The following GPC5 variants were observed in gnomAD, a reference collection of about 807,000 sequenced individuals.
The protein encoded by GPC5 is glypican-5.
Under a neutral mutation model 53.9 loss-of-function variants are expected in GPC5, and 47 were observed. That is an observed-to-expected ratio of 0.87 (90% CI 0.69 to 1.11). GPC5 has a LOEUF of 1.11. GPC5 is among the 50% of genes most tolerant of loss of function. GPC5 has a pLI of 0.00. For missense variants in GPC5, 748 were observed against 713.1 expected, an observed-to-expected ratio of 1.05 and a Z score of -0.56; for synonymous variants, 286 against 263.3, an observed-to-expected ratio of 1.09 and a Z score of -0.84.
At chr13:91,947,199 A>AGGTAC (rs1490602847) in intron 6 of GPC5, among the ~76,000 whole-genome samples, 1 of 152,202 alleles carries the variant, frequency 6.6e-6, no homozygotes, top group Non-Finnish European at 1.5e-5. Context: ...TTACGTTTTC[A>AGGTAC]GGTACCCATT....
rs545989890 is a variant in GPC5, at chr13:91,747,043, A to T, written c.1155-9252A>T. Among the ~76,000 whole-genome samples, 518 of 152,324 alleles carry T rather than the reference A, an allele frequency of 3.4e-3. 1 individual carries two copies. Among genetic ancestry groups the T allele is most frequent in the Non-Finnish European group, 6.4e-3 (435 of 68,014 alleles). ...AGAATAAGATAAACACCAATCTGTT[A>T]TATTGGTTACTTCAGGTGGGAGGGA... On this transcript the variant is annotated intron_variant, in intron 4 of 7. Transcript: ENST00000377067.
intron 6 of GPC5, among the ~76,000 whole-genome samples, chr13:92,040,653 T>G (rs1405698065): frequency 6.6e-6 from 1 of 152,172 alleles, no homozygotes; most frequent in East Asian, 1.9e-4. Flanking sequence ...ATTTACTCCT[T>G]TAACCCACTG....
intron 6 of GPC5, among the ~76,000 whole-genome samples, chr13:92,021,062 T>C (rs896076336): frequency 1.3e-5 from 2 of 152,196 alleles, no homozygotes; most frequent in African/African-American, 4.8e-5. Flanking sequence ...TTCAACACCA[T>C]TTGTTGAAGA....
At chr13:91,506,642 C>T (rs933571160) in intron 2 of GPC5, among the ~76,000 whole-genome samples, 1 of 151,916 alleles carries the variant, frequency 6.6e-6, no homozygotes, top group Non-Finnish European at 1.5e-5. Context: ...TGAAAATACT[C>T]AAAATATCAG....
At chr13:92,094,483 T>C (rs933081877) in intron 6 of GPC5, among the ~76,000 whole-genome samples, 1 of 124,074 alleles carries the variant, frequency 8.1e-6, no homozygotes, top group African/African-American at 3.2e-5. Context: ...ATCGTACCAC[T>C]GCACTCCAGC....
chr13:92,543,976 T>C (rs1260802593), intron 7 of GPC5, among the ~76,000 whole-genome samples: 1 of 151,822 alleles, frequency 6.6e-6, no homozygotes, highest in Non-Finnish European at 1.5e-5. Context: ...GTTTTGCTTG[T>C]TGTTTTTTTT....
rs183258122 is a variant in GPC5, at chr13:91,588,676, T to C, written c.326-104511T>C. ...CATCTCTAAACAAGAGGGACCTCTT[T>C]TCCTTTGCAAAGTCAGTGCTAGACT... On this transcript the variant is annotated intron_variant, in intron 2 of 7. Transcript: ENST00000377067. 5.9e-5 allele frequency among the ~76,000 whole-genome samples: 9 copies of C among 152,292 alleles called. No individual in the cohort carries two copies. In the East Asian group the frequency reaches 1.7e-3, roughly 29 times the overall value.
intron 2 of GPC5, among the ~76,000 whole-genome samples, chr13:91,591,379 T>G (rs2032792909): frequency 6.6e-6 from 1 of 152,196 alleles, no homozygotes. Context: ...CTTTTTCTTT[T>G]GTGTTGACCT....
At chr13:92,859,890 C>G (rs1428503150) in intron 7 of GPC5, among the ~76,000 whole-genome samples, 1 of 151,884 alleles carries the variant, frequency 6.6e-6, no homozygotes, top group Non-Finnish European at 1.5e-5. Context: ...ACTGGGTGAC[C>G]ATTATTGGAT....
In GPC5 at chr13:92,866,459, C is replaced by A; in HGVS notation, c.*20C>A. 1 of 1,560,650 alleles carries A rather than the reference C, an allele frequency of 6.4e-7. No homozygotes were observed. Among genetic ancestry groups the A allele is most frequent in the South Asian group, 1.2e-5 (1 of 84,168 alleles). On this transcript the variant is annotated 3_prime_UTR_variant, in exon 8 of 8. Coordinates refer to ENST00000377067, the MANE Select transcript of GPC5 (RefSeq NM_004466.6). ...TGGTAACTGAACTCTTCTGTCCTGACATACCTTACTGAAGTCTCGATTTCT... is the reference window on the plus strand; with the variant it reads ...TGGTAACTGAACTCTTCTGTCCTGAAATACCTTACTGAAGTCTCGATTTCT...
intron 7 of GPC5, among the ~76,000 whole-genome samples, chr13:92,472,216 A>G (rs1388051095): frequency 6.6e-6 from 1 of 152,032 alleles, no homozygotes; most frequent in African/African-American, 2.4e-5. Context: ...CACCCTTAAA[A>G]TGAGTAGAAT....
chr13:92,362,320 T>C (rs180775405), intron 7 of GPC5, among the ~76,000 whole-genome samples: 3 of 151,894 alleles, frequency 2.0e-5, no homozygotes, highest in African/African-American at 7.3e-5. Flanking sequence ...ATTGTTATTA[T>C]ACTGAAGGAA....
intron 7 of GPC5, among the ~76,000 whole-genome samples, chr13:92,531,115 A>C (rs1180279407): frequency 6.6e-6 from 1 of 152,198 alleles, no homozygotes; most frequent in East Asian, 1.9e-4. Flanking sequence ...ACCACATCTT[A>C]GATGTTGAAA....
chr13:92,385,163 G>A (rs941885608), intron 7 of GPC5, among the ~76,000 whole-genome samples: 7 of 151,484 alleles, frequency 4.6e-5, no homozygotes, highest in Admixed American at 2.0e-4. Context: ...GGTAGCCTAC[G>A]CCTGGCCAAT....
intron 7 of GPC5, among the ~76,000 whole-genome samples, chr13:92,421,039 T>C (rs1876534539): frequency 6.6e-6 from 1 of 152,218 alleles, no homozygotes; most frequent in African/African-American, 2.4e-5. Context: ...CACTAAGGTA[T>C]AAACGAGACA....
At chr13:92,858,641 T>A (rs563827104) in intron 7 of GPC5, among the ~76,000 whole-genome samples, 1 of 152,006 alleles carries the variant, frequency 6.6e-6, no homozygotes, top group African/African-American at 2.4e-5. Context: ...AAATAGACAA[T>A]GGTGACTCCA....
At chr13:91,523,274 G>A (rs2139374745) in intron 2 of GPC5, among the ~76,000 whole-genome samples, 1 of 152,284 alleles carries the variant, frequency 6.6e-6, no homozygotes, top group South Asian at 2.1e-4. Context: ...TCAGTATGTT[G>A]AAGAGATATT....
chr13:91,530,268 C>T (rs1280524847), intron 2 of GPC5, among the ~76,000 whole-genome samples: 1 of 152,130 alleles, frequency 6.6e-6, no homozygotes. Flanking sequence ...AGTGGTTTGC[C>T]AGAGCTAGCT....
At chr13:92,476,021 A>G (rs1219704212) in intron 7 of GPC5, among the ~76,000 whole-genome samples, 5 of 152,186 alleles carry the variant, frequency 3.3e-5, no homozygotes, top group Non-Finnish European at 7.3e-5. Context: ...AGCAATGGCA[A>G]CAAAAGACAA....
Sources: gnomAD v4.1 joint callset for allele counts (sites outside exome capture counted in the v4.1 genomes callset) on GRCh38, gnomAD v4.1.1 for gene constraint, MANE v1.5 for transcripts, NCBI Gene and HGNC (gene_info 2026-07-23, HGNC 2026-07-21) for gene names.